Variants in HLCS observed in about 807,000 individuals in gnomAD.
HLCS encodes the protein biotin--protein ligase.
Under a neutral mutation model 75.0 loss-of-function variants are expected in HLCS, and 53 were observed. That is an observed-to-expected ratio of 0.71 (90% CI 0.57 to 0.89). The LOEUF is 0.89. Ranked by LOEUF, HLCS falls within the 40% of genes least tolerant of loss-of-function variation. HLCS has a pLI of 0.00. For missense variants in HLCS, 966 were observed against 1,074.0 expected (o/e 0.90, Z 1.41); for synonymous variants, 431 against 428.6 (o/e 1.01, Z -0.07).
At chr21:36,874,914 C>T (rs1175392935) in intron 6 of HLCS, among the ~76,000 whole-genome samples, 1 of 152,186 alleles carries the variant, frequency 6.6e-6, no homozygotes, top group Non-Finnish European at 1.5e-5. Context: ...GAAGTGCCTA[C>T]TCGCACTCCC....
chr21:36,955,497 T>C (rs1430278735), intron 2 of HLCS, among the ~76,000 whole-genome samples: 1 of 150,996 alleles, frequency 6.6e-6, no homozygotes, highest in Non-Finnish European at 1.5e-5. Context: ...TTTAAATATA[T>C]AAAATCTTAG....
intron 6 of HLCS, among the ~76,000 whole-genome samples, chr21:36,839,128 G>C (rs2062526811): frequency 1.3e-5 from 2 of 152,210 alleles, no homozygotes; most frequent in African/African-American, 4.8e-5. Flanking sequence ...TCTACAATTA[G>C]ATTAAATGGG....
chr21:36,846,018 A>G (rs2062786001), intron 6 of HLCS, among the ~76,000 whole-genome samples: 1 of 152,154 alleles, frequency 6.6e-6, no homozygotes, highest in South Asian at 2.1e-4. Flanking sequence ...ATAAAATGGG[A>G]ATATTGCCAT....
chr21:36,818,583 C>T (rs1042569918), intron 6 of HLCS, among the ~76,000 whole-genome samples: 5 of 152,110 alleles, frequency 3.3e-5, no homozygotes, highest in South Asian at 2.1e-4. Flanking sequence ...TTTTCACAAG[C>T]GAGCTTAAAT....
chr21:36,899,281 A>G (rs2065139794), intron 5 of HLCS, among the ~76,000 whole-genome samples: 1 of 152,106 alleles, frequency 6.6e-6, no homozygotes, highest in African/African-American at 2.4e-5. Context: ...GAGAACTGTC[A>G]TAATTAAGAG....
intron 6 of HLCS, among the ~76,000 whole-genome samples, chr21:36,841,875 G>A (rs149540846): frequency 6.6e-6 from 1 of 152,276 alleles, no homozygotes; most frequent in East Asian, 1.9e-4. Context: ...ACTCCTGAAA[G>A]TCTAATGACC....
intron 6 of HLCS, among the ~76,000 whole-genome samples, chr21:36,882,065 A>C (rs1452073668): frequency 1.3e-5 from 2 of 152,004 alleles, no homozygotes; most frequent in Non-Finnish European, 2.9e-5. Context: ...GGCGGATCCC[A>C]AGGTCAGATC....
chr21:36,951,339 G>A (rs2067661503), intron 2 of HLCS, among the ~76,000 whole-genome samples: 1 of 152,118 alleles, frequency 6.6e-6, no homozygotes, highest in African/African-American at 2.4e-5. Context: ...TGTGTGCAGG[G>A]GCCAGGTGCA....
chr21:36,884,970 T>C (rs1043461249), intron 6 of HLCS, among the ~76,000 whole-genome samples: 11 of 152,060 alleles, frequency 7.2e-5, no homozygotes, highest in African/African-American at 2.7e-4. Flanking sequence ...GAAATGACTG[T>C]GAATTACCTG....
At chr21:36,770,106 G>A (rs986512776) in intron 6 of HLCS, among the ~76,000 whole-genome samples, 3 of 146,328 alleles carry the variant, frequency 2.1e-5, no homozygotes, top group Non-Finnish European at 3.0e-5. Flanking sequence ...GCATTGGTAT[G>A]TCAAATTAAA....
intron 6 of HLCS, among the ~76,000 whole-genome samples, chr21:36,869,381 C>G (rs2063694482): frequency 6.6e-6 from 1 of 152,126 alleles, no homozygotes. Context: ...ATCCGCCCAC[C>G]TCGGCCTCCC....
chr21:36,882,803 T>C (rs553918945), intron 6 of HLCS, among the ~76,000 whole-genome samples: 1 of 152,150 alleles, frequency 6.6e-6, no homozygotes, highest in African/African-American at 2.4e-5. Context: ...AAATTCTGTA[T>C]GCACATATTA....
chr21:36,869,102 ATTTATTTATTT>A (rs1569124037), intron 6 of HLCS, among the ~76,000 whole-genome samples: 25,225 of 99,936 alleles, frequency 0.25, 4,783 homozygotes, highest in African/African-American at 0.6. Flanking sequence ...TGTTTAATTT[ATTTATTTATTT>A]ATTTATTTAT....
chr21:36,861,281 C>A (rs527923564), intron 6 of HLCS, among the ~76,000 whole-genome samples: 2 of 152,164 alleles, frequency 1.3e-5, no homozygotes, highest in Non-Finnish European at 2.9e-5. Flanking sequence ...CTGCCCTTTG[C>A]CCAGGTAACG....
chr21:36,890,714 C>T (rs962702017), intron 6 of HLCS, among the ~76,000 whole-genome samples: 2 of 152,122 alleles, frequency 1.3e-5, no homozygotes, highest in African/African-American at 4.8e-5. Context: ...AAAAATACCA[C>T]ACCCTCAAAA....
intron 5 of HLCS, among the ~76,000 whole-genome samples, chr21:36,908,991 G>A (rs1402768235): frequency 1.3e-5 from 2 of 152,078 alleles, no homozygotes; most frequent in South Asian, 2.1e-4. Context: ...TCAGGAGATC[G>A]AGACCATCCT....
chr21:36,770,982 G>C (rs1285478673), intron 6 of HLCS, among the ~76,000 whole-genome samples: 1 of 152,128 alleles, frequency 6.6e-6, no homozygotes, highest in East Asian at 1.9e-4. Context: ...CACTTTGCGA[G>C]GCCGAGGCAG....
chr21:36,833,477 C>T (rs1240424369), intron 6 of HLCS, among the ~76,000 whole-genome samples: 2 of 151,266 alleles, frequency 1.3e-5, no homozygotes, highest in African/African-American at 2.4e-5. Flanking sequence ...CCCAGCTACT[C>T]GGGAAGCTGA....
chr21:36,894,819 T>C (rs1346555332), intron 6 of HLCS, among the ~76,000 whole-genome samples: 6 of 151,478 alleles, frequency 4.0e-5, no homozygotes, highest in East Asian at 1.9e-4. Context: ...CAAACACTTT[T>C]ACAGACCCAA....
Sources: allele counts gnomAD v4.1 joint callset (sites outside exome capture counted in the v4.1 genomes callset), GRCh38; gene constraint gnomAD v4.1.1; transcripts MANE v1.5; gene names NCBI Gene and HGNC (gene_info 2026-07-23, HGNC 2026-07-21).